DEK: variants seen among roughly 807,000 people sequenced by gnomAD.
DEK encodes DEK proto-oncogene, also known as protein DEK.
In DEK, 28 loss-of-function variants were observed where a neutral mutation model predicts 46.8. That is an observed-to-expected ratio of 0.60 (90% CI 0.44 to 0.82). The LOEUF is 0.82. Ranked by LOEUF, DEK falls within the 40% of genes least tolerant of loss-of-function variation. The pLI is 0.00. For missense variants in DEK, 416 were observed against 430.6 expected, an observed-to-expected ratio of 0.97 and a Z score of 0.30; for synonymous variants, 160 against 144.5, an observed-to-expected ratio of 1.11 and a Z score of -0.77.
intron 9 of DEK, among the ~76,000 whole-genome samples, chr6:18,229,232 C>G (rs960377321): frequency 6.6e-6 from 1 of 152,284 alleles, no homozygotes; most frequent in East Asian, 1.9e-4. Context: ...CCCATCTGTA[C>G]GTCACCATCA....
intron 9 of DEK, among the ~76,000 whole-genome samples, chr6:18,226,639 G>A (rs998531771): frequency 6.6e-6 from 1 of 152,176 alleles, no homozygotes; most frequent in African/African-American, 2.4e-5. Flanking sequence ...AAGTAGCCAG[G>A]CATGGTCATG....
chr6:18,258,545 A>G (rs895956513), intron 2 of DEK, 140 bp from the exon 3 acceptor site: 7 of 575,568 alleles, frequency 1.2e-5, no homozygotes, highest in African/African-American at 7.8e-5. Context: ...AGCAAATGAC[A>G]TAAAAGAGGA....
chr6:18,261,089 C>T (rs954798903), intron 2 of DEK, among the ~76,000 whole-genome samples: 10 of 151,798 alleles, frequency 6.6e-5, no homozygotes, highest in Non-Finnish European at 1.3e-4. Context: ...GCTCTATTGG[C>T]TAGTGGAGCT....
At chr6:18,233,241 A>T (rs1189675641) in intron 9 of DEK, among the ~76,000 whole-genome samples, 1 of 152,204 alleles carries the variant, frequency 6.6e-6, no homozygotes, top group Admixed American at 6.5e-5. Flanking sequence ...CTAAAACCAT[A>T]AAAACCCTAG....
rs34842683 is a variant in DEK at position 18,243,334 on chromosome 6, T to TC, written c.763-5819dup. 4.0e-3 allele frequency among the ~76,000 whole-genome samples: 609 copies of TC among 151,888 alleles called. 5 individuals carry two copies. The highest frequency in any genetic ancestry group is 0.014 in the African/African-American group (589 of 41,356). On this transcript the variant is annotated intron_variant, in intron 7 of 10. Transcript: ENST00000652689. ...CAGAGGACGTGTCTCATTTTTTTTT[T>TC]CTCCCACTTAGTAAAATGCTCAGGT...
At chr6:18,245,385 A>G (rs1791067720) in intron 7 of DEK, among the ~76,000 whole-genome samples, 1 of 152,206 alleles carries the variant, frequency 6.6e-6, no homozygotes, top group Non-Finnish European at 1.5e-5. Context: ...GTCATGAAAG[A>G]AAAATAAACT....
At chr6:18,260,781 A>C (rs987476149) in intron 2 of DEK, among the ~76,000 whole-genome samples, 13 of 152,032 alleles carry the variant, frequency 8.6e-5, no homozygotes, top group African/African-American at 2.9e-4. Context: ...CGGGCAGGTC[A>C]CTTGAGCTAA....
chr6:18,256,271 G>C, intron 5 of DEK, 90 bp downstream of exon 5: 1 of 1,135,896 alleles, frequency 8.8e-7, no homozygotes, highest in Non-Finnish European at 1.3e-6. Flanking sequence ...ACAGGTGTGA[G>C]CCACTGTGCC....
intron 4 of DEK, among the ~76,000 whole-genome samples, chr6:18,257,389 T>A (rs887140091): frequency 6.6e-5 from 10 of 152,216 alleles, no homozygotes; most frequent in African/African-American, 1.9e-4. Flanking sequence ...ATTTGAAATT[T>A]CAGTTTGGAA....
chr6:18,237,359 A>T, intron 8 of DEK, 22 bp downstream of exon 8: 4 of 1,581,924 alleles, frequency 2.5e-6, no homozygotes, highest in South Asian at 2.3e-5. Flanking sequence ...AAAGTTGCTG[A>T]TTAATGTTAT....
chr6:18,229,155 C>A (rs1790280161), intron 9 of DEK, among the ~76,000 whole-genome samples: 1 of 152,240 alleles, frequency 6.6e-6, no homozygotes, highest in Non-Finnish European at 1.5e-5. Context: ...CAAACTCCAA[C>A]AGACCTGCAG....
intron 9 of DEK, among the ~76,000 whole-genome samples, chr6:18,230,120 G>C (rs948267219): frequency 6.6e-6 from 1 of 152,122 alleles, no homozygotes; most frequent in Non-Finnish European, 1.5e-5. Flanking sequence ...TTCATATCCA[G>C]CTAAACCAAG....
chr6:18,226,816 A>T (rs1790148035), intron 9 of DEK, among the ~76,000 whole-genome samples: 1 of 152,170 alleles, frequency 6.6e-6, no homozygotes, highest in South Asian at 2.1e-4. Context: ...GTGTAGAAAG[A>T]AGTAGACCAC....
At chr6:18,259,416 A>AT (rs1446680314) in intron 2 of DEK, among the ~76,000 whole-genome samples, 18 of 133,742 alleles carry the variant, frequency 1.3e-4, no homozygotes, top group Non-Finnish European at 2.4e-4. Flanking sequence ...AAAAAAAAAA[A>AT]AAAAAAAAAA....
At chr6:18,236,740 C>T in intron 8 of DEK, 140 bp from the exon 9 acceptor site, 2 of 528,582 alleles carry the variant, frequency 3.8e-6, no homozygotes, top group Non-Finnish European at 2.9e-6. Flanking sequence ...TCTACAGTTA[C>T]CTATAAAACA....
At chr6:18,259,076 A>C (rs1791725022) in intron 2 of DEK, among the ~76,000 whole-genome samples, 1 of 151,956 alleles carries the variant, frequency 6.6e-6, no homozygotes, top group Non-Finnish European at 1.5e-5. Flanking sequence ...CATGCCTGTA[A>C]TCCCAGCACT....
At chr6:18,247,970 C>A (rs959577176) in intron 7 of DEK, among the ~76,000 whole-genome samples, 4 of 152,132 alleles carry the variant, frequency 2.6e-5, no homozygotes, top group African/African-American at 7.2e-5. Flanking sequence ...CCATGCCCGG[C>A]CTGCCCTCAC....
chr6:18,228,460 G>A (rs1450885649), intron 9 of DEK, among the ~76,000 whole-genome samples: 2 of 151,998 alleles, frequency 1.3e-5, no homozygotes, highest in Middle Eastern at 3.4e-3. Context: ...CGCAGAAGAC[G>A]GGTGATTTCT....
intron 2 of DEK, among the ~76,000 whole-genome samples, chr6:18,262,406 T>C (rs1012251605): frequency 1.3e-5 from 2 of 152,106 alleles, no homozygotes; most frequent in Non-Finnish European, 1.5e-5. Context: ...TTCACAATTC[T>C]ACTTGTCCCA....
Sources: gnomAD v4.1 joint callset for allele counts (sites outside exome capture counted in the v4.1 genomes callset) on GRCh38, gnomAD v4.1.1 for gene constraint, MANE v1.5 for transcripts, NCBI Gene and HGNC (gene_info 2026-07-23, HGNC 2026-07-21) for gene names.